The following MGMT variants were observed in gnomAD, a reference collection of about 807,000 sequenced individuals.
The protein encoded by MGMT is methylated-DNA--protein-cysteine methyltransferase.
In MGMT, 14 loss-of-function variants were observed where a neutral mutation model predicts 15.9. The ratio of observed to expected loss-of-function variants is 0.88; its 90% confidence interval spans 0.58 to 1.37. MGMT has a LOEUF of 1.37. Ranked by LOEUF, MGMT falls within the 40% of genes most tolerant of loss-of-function variation. The pLI is 0.00. For missense variants in MGMT, 282 were observed against 268.1 expected (o/e 1.05, Z -0.36); for synonymous variants, 130 against 118.2 (o/e 1.10, Z -0.65).
At chr10:129,632,213 T>G (rs1008566388) in intron 2 of MGMT, among the ~76,000 whole-genome samples, 1 of 152,230 alleles carries the variant, frequency 6.6e-6, no homozygotes, top group African/African-American at 2.4e-5. Flanking sequence ...GTTTCATAAT[T>G]TATTTAACAC....
chr10:129,601,746 G>A (rs868139221), intron 2 of MGMT, among the ~76,000 whole-genome samples: 8 of 152,292 alleles, frequency 5.3e-5, no homozygotes, highest in Middle Eastern at 6.8e-3. Flanking sequence ...TGGGGAGACC[G>A]TCAGGGAAGT....
intron 3 of MGMT, among the ~76,000 whole-genome samples, chr10:129,708,841 T>C (rs369938793): frequency 1.7e-3 from 259 of 152,314 alleles, no homozygotes; most frequent in South Asian, 5.8e-3. Context: ...GTGGTGAATT[T>C]AAAGCAATTT....
At chr10:129,622,647 CT>C (rs1378786488) in intron 2 of MGMT, among the ~76,000 whole-genome samples, 2 of 152,164 alleles carry the variant, frequency 1.3e-5, no homozygotes, top group African/African-American at 4.8e-5. Context: ...CATTACATGG[CT>C]TTCTTTCTTT....
At chr10:129,570,310 G>C (rs756791710) in intron 2 of MGMT, among the ~76,000 whole-genome samples, 16 of 152,392 alleles carry the variant, frequency 1.0e-4, no homozygotes, top group South Asian at 2.1e-4. Context: ...AGCTCTGCAA[G>C]TCAGCAGCAC....
At chr10:129,607,248 T>C (rs901036326) in intron 2 of MGMT, among the ~76,000 whole-genome samples, 1 of 152,134 alleles carries the variant, frequency 6.6e-6, no homozygotes, top group African/African-American at 2.4e-5. Context: ...TTTTTTTTTT[T>C]TCTCTTGGAG....
At chr10:129,530,590 G>T (rs1845919992) in intron 1 of MGMT, among the ~76,000 whole-genome samples, 1 of 152,168 alleles carries the variant, frequency 6.6e-6, no homozygotes, top group African/African-American at 2.4e-5. Flanking sequence ...CTTCTCAGTG[G>T]GTTATTTCCA....
chr10:129,699,534 C>G (rs999030936), intron 2 of MGMT, among the ~76,000 whole-genome samples: 4 of 152,012 alleles, frequency 2.6e-5, no homozygotes, highest in Non-Finnish European at 4.4e-5. Flanking sequence ...TTTAAATGGC[C>G]TCTTTCTCCT....
At chr10:129,620,935 C>T (rs1402090607) in intron 2 of MGMT, among the ~76,000 whole-genome samples, 2 of 151,850 alleles carry the variant, frequency 1.3e-5, no homozygotes, top group African/African-American at 4.8e-5. Context: ...ATTACTATTG[C>T]GTTATTAGTG....
intron 2 of MGMT, among the ~76,000 whole-genome samples, chr10:129,657,627 G>A (rs1319466854): frequency 6.7e-6 from 1 of 149,412 alleles, no homozygotes; most frequent in Non-Finnish European, 1.5e-5. Context: ...CTGACAGCCT[G>A]GAGGAGGAGC....
chr10:129,707,247 A>C (rs535332549), intron 2 of MGMT, among the ~76,000 whole-genome samples: 15 of 152,222 alleles, frequency 9.9e-5, no homozygotes, highest in Admixed American at 9.8e-4. Context: ...ATTGTACTCC[A>C]GCCACGGCAA....
Position 129,646,422 on chromosome 10 carries a change from A to C in MGMT, c.126-61473A>C, listed in dbSNP as rs151138867. 2.6e-5 allele frequency among the ~76,000 whole-genome samples: 4 copies of C among 152,116 alleles called. No individual in the cohort carries two copies. In the East Asian group the frequency reaches 7.7e-4, roughly 29 times the overall value. On this transcript the variant is annotated intron_variant, in intron 2 of 4. Coordinates refer to ENST00000651593, the MANE Select transcript of MGMT (RefSeq NM_002412.5). ...CATGGCACCTAAGACTCAAATTTAC[A>C]TTTTTAACTAACTGAAGCCAAATAA...
chr10:129,645,121 T>C (rs1463450831), intron 2 of MGMT, among the ~76,000 whole-genome samples: 2 of 127,912 alleles, frequency 1.6e-5, no homozygotes, highest in African/African-American at 7.6e-5. Flanking sequence ...GAAAGCCCTT[T>C]TTTTTTTTTT....
At position 129,734,343 on chromosome 10, in the gene MGMT, A is replaced by G. The variant is rs1284348513; in HGVS notation, c.275-24859A>G. On this transcript the variant is annotated intron_variant, in intron 3 of 4. Coordinates refer to ENST00000651593, the MANE Select transcript of MGMT (RefSeq NM_002412.5). ...AGTGATTGTGAATGGGAGTTCACTC[A>G]TGATTTGGCTCTCTGTTTGTCTGTT... 1.7e-4 allele frequency among the ~76,000 whole-genome samples: 24 copies of G among 140,752 alleles called. 3 individuals carry two copies. The Admixed American group carries it at 1.8e-3, about 11-fold the overall frequency. 92.3% of individuals were successfully genotyped at this position (140,752 alleles called of 152,430 possible).
intron 4 of MGMT, among the ~76,000 whole-genome samples, chr10:129,761,609 C>T (rs1195670690): frequency 6.6e-6 from 1 of 152,226 alleles, no homozygotes; most frequent in East Asian, 1.9e-4. Flanking sequence ...TGGCCTCAGT[C>T]ACTGAAATGT....
intron 2 of MGMT, chr10:129,564,284 TCCTTCCTCCCCCTCCTTCCTCCCCC>T (rs1846319373): frequency 5.6e-5 from 1 of 17,760 alleles, no homozygotes. Context: ...CTTCCCCCTC[TCCTTCCTCCCCCTCCTTCCTCCCCC>T]TCTCCTTCCT....
At chr10:129,652,246 C>G (rs1174352564) in intron 2 of MGMT, among the ~76,000 whole-genome samples, 3 of 152,264 alleles carry the variant, frequency 2.0e-5, no homozygotes, top group Non-Finnish European at 4.4e-5. Flanking sequence ...CTCTCCCAGC[C>G]AGGCTTCAGA....
rs1848844006 is a variant in MGMT at position 129,759,324 on chromosome 10, G to A, written c.397G>A (p.Ala133Thr). Residue 133 changes from alanine (A) to threonine (T), a missense_variant, in exon 4 of 5, where the codon GCA becomes ACA. Physicochemically the swap from Ala to Thr is moderately conservative, Grantham distance 58. Coordinates refer to ENST00000651593, the MANE Select transcript of MGMT (RefSeq NM_002412.5). ...NPKAARAVGG[A>T]MRGNPVPILI... Reference sequence around the variant, plus strand: ...CAAAGCCGCGCGAGCAGTGGGAGGAGCAATGAGAGGCAATCCTGTGAGTTC... The same window carrying A: ...CAAAGCCGCGCGAGCAGTGGGAGGAACAATGAGAGGCAATCCTGTGAGTTC... The A allele has an allele frequency of 6.2e-7, 1 of 1,614,106 alleles. No homozygotes were observed. Among genetic ancestry groups the A allele is most frequent in the African/African-American group, 1.3e-5 (1 of 74,946 alleles).
At chr10:129,670,229 T>C (rs1847706736) in intron 2 of MGMT, among the ~76,000 whole-genome samples, 1 of 152,212 alleles carries the variant, frequency 6.6e-6, no homozygotes. Context: ...ACCATAGGCC[T>C]TAACATTTTC....
At chr10:129,553,214 G>A (rs752283255) in intron 2 of MGMT, among the ~76,000 whole-genome samples, 5 of 152,104 alleles carry the variant, frequency 3.3e-5, no homozygotes, top group Non-Finnish European at 5.9e-5. Context: ...TCTTTCTTTG[G>A]GAGACTAGTA....
Sources: gnomAD v4.1 joint callset for allele counts (sites outside exome capture counted in the v4.1 genomes callset) on GRCh38, gnomAD v4.1.1 for gene constraint, MANE v1.5 for transcripts, NCBI Gene and HGNC (gene_info 2026-07-23, HGNC 2026-07-21) for gene names.